Variants in PLPP4 observed in about 807,000 individuals in gnomAD.
The protein encoded by PLPP4 is phospholipid phosphatase 4.
In PLPP4, 20 loss-of-function variants were observed where a neutral mutation model predicts 32.2. The observed-to-expected ratio is 0.62, with a 90% CI of 0.44 to 0.90. The LOEUF (loss-of-function observed/expected upper bound fraction) is 0.90. PLPP4 is among the 40% of genes least tolerant of loss of function. The pLI, the probability that PLPP4 is intolerant of heterozygous loss-of-function variation, is 0.00. For missense variants in PLPP4, 257 were observed against 353.1 expected, an observed-to-expected ratio of 0.73 and a Z score of 2.18; for synonymous variants, 127 against 133.0, an observed-to-expected ratio of 0.95 and a Z score of 0.31.
chr10:120,503,754 C>T, intron 1 of PLPP4, 64 bp from the exon 2 acceptor site: 1 of 1,590,634 alleles, frequency 6.3e-7, no homozygotes, highest in South Asian at 1.1e-5. Flanking sequence ...AGGGGGGCCT[C>T]CTTGGGAACT....
At chr10:120,584,584 A>G (rs550176557) in intron 6 of PLPP4, among the ~76,000 whole-genome samples, 5 of 152,238 alleles carry the variant, frequency 3.3e-5, no homozygotes, top group Middle Eastern at 3.2e-3. Context: ...CTTCTAGTTG[A>G]TTTGGGGCAA....
chr10:120,578,295 G>A (rs186911253), intron 6 of PLPP4, among the ~76,000 whole-genome samples: 148 of 152,340 alleles, frequency 9.7e-4, no homozygotes, highest in Non-Finnish European at 1.7e-3. Flanking sequence ...TGCAGTGTAG[G>A]TGGATGTTTC....
chr10:120,557,625 A>G (rs2134002468), intron 5 of PLPP4, among the ~76,000 whole-genome samples: 1 of 152,232 alleles, frequency 6.6e-6, no homozygotes, highest in East Asian at 1.9e-4. Flanking sequence ...AAGCCTCCCT[A>G]ATTATAATAG....
rs989992126 is a variant in PLPP4 at position 120,517,369 on chromosome 10, G to A, written c.257-1464G>A. Among the ~76,000 whole-genome samples, 8 of 152,254 alleles carry A rather than the reference G, an allele frequency of 5.3e-5. No individual in the cohort carries two copies. The South Asian group carries it at 1.0e-3, about 20-fold the overall frequency. On this transcript the variant is annotated intron_variant, in intron 3 of 6. Transcript: ENST00000398250. Reference sequence around the variant, plus strand: ...AAGATATCCCAGAGAATTTGCTCTCGCCTTTTGGAGACAGGCCTCTCCACA... The same window carrying A: ...AAGATATCCCAGAGAATTTGCTCTCACCTTTTGGAGACAGGCCTCTCCACA...
At chr10:120,463,259 C>A (rs569689010) in intron 1 of PLPP4, among the ~76,000 whole-genome samples, 3 of 152,116 alleles carry the variant, frequency 2.0e-5, no homozygotes, top group Non-Finnish European at 4.4e-5. Context: ...ATCTCCTGAC[C>A]TCGTGATCTG....
chr10:120,487,454 T>C (rs2244544), intron 1 of PLPP4, among the ~76,000 whole-genome samples: 92,715 of 152,108 alleles, frequency 0.61, 28,769 homozygotes, highest in African/African-American at 0.73. Context: ...CATGTTGATG[T>C]CACTTACAAA....
chr10:120,528,906 T>G (rs1846560273), intron 5 of PLPP4, among the ~76,000 whole-genome samples: 1 of 152,156 alleles, frequency 6.6e-6, no homozygotes, highest in Non-Finnish European at 1.5e-5. Context: ...GTTTATGTCT[T>G]AAAAATATAA....
At position 120,591,661 on chromosome 10, in the gene PLPP4, T is replaced by C. The variant is rs1849997579; in HGVS notation, c.*2159T>C. On this transcript the variant is annotated 3_prime_UTR_variant, in exon 7 of 7. Coordinates refer to ENST00000398250, the MANE Select transcript of PLPP4 (RefSeq NM_001030059.3). The stretch of plus-strand genomic sequence containing the variant: ...TGATGTGGCCCACATTCTTATTTGA[T>C]TCTAGTTTTATCTGAGCAAGAGGAA... Among the ~76,000 whole-genome samples the C allele has an allele frequency of 6.6e-6, 1 of 151,832 alleles. No homozygotes were observed. Among genetic ancestry groups the C allele is most frequent in the Admixed American group, 6.6e-5 (1 of 15,242 alleles).
chr10:120,527,183 G>T (rs1352335147), intron 5 of PLPP4, among the ~76,000 whole-genome samples: 1 of 152,112 alleles, frequency 6.6e-6, no homozygotes, highest in Non-Finnish European at 1.5e-5. Context: ...ATTTATTTTA[G>T]GGAATTGGTT....
At chr10:120,523,959 C>G (rs1846281255) in intron 5 of PLPP4, among the ~76,000 whole-genome samples, 3 of 152,200 alleles carry the variant, frequency 2.0e-5, no homozygotes, top group African/African-American at 7.2e-5. Flanking sequence ...GCGCACCCTC[C>G]CCTCCAACCA....
At chr10:120,580,410 T>A (rs1849438769) in intron 6 of PLPP4, among the ~76,000 whole-genome samples, 1 of 152,100 alleles carries the variant, frequency 6.6e-6, no homozygotes, top group South Asian at 2.1e-4. Flanking sequence ...GGAAATTAGA[T>A]GATAATGAAG....
chr10:120,564,922 G>A (rs906224761), intron 5 of PLPP4, among the ~76,000 whole-genome samples: 10 of 151,484 alleles, frequency 6.6e-5, no homozygotes, highest in Admixed American at 2.6e-4. Flanking sequence ...AGCCTTATTC[G>A]TATATTCTTT....
At chr10:120,538,601 A>G (rs537080169) in intron 5 of PLPP4, among the ~76,000 whole-genome samples, 1 of 152,276 alleles carries the variant, frequency 6.6e-6, no homozygotes. Context: ...GAGAAAACCC[A>G]GGCCCTTTCA....
intron 6 of PLPP4, among the ~76,000 whole-genome samples, chr10:120,588,290 C>T (rs1589944086): frequency 6.6e-6 from 1 of 152,204 alleles, no homozygotes. Flanking sequence ...TGAGAACTAC[C>T]TGAATGTTCT....
chr10:120,515,924 A>T (rs1845917912), intron 3 of PLPP4, among the ~76,000 whole-genome samples: 1 of 152,194 alleles, frequency 6.6e-6, no homozygotes, highest in African/African-American at 2.4e-5. Context: ...CTGCTGTCAC[A>T]GCAGTAAGTA....
At chr10:120,554,730 C>T (rs1296166479) in intron 5 of PLPP4, among the ~76,000 whole-genome samples, 7 of 152,054 alleles carry the variant, frequency 4.6e-5, no homozygotes, top group African/African-American at 1.7e-4. Context: ...GCATGTCTTA[C>T]GTGGCTGGAG....
chr10:120,509,372 G>A (rs79554620), intron 2 of PLPP4, among the ~76,000 whole-genome samples: 1 of 152,108 alleles, frequency 6.6e-6, no homozygotes, highest in Non-Finnish European at 1.5e-5. Flanking sequence ...AGTCCATTCC[G>A]CACATTTTTT....
At position 120,551,283 on chromosome 10, in the gene PLPP4, G is replaced by A. The variant is rs78917097; in HGVS notation, c.446-23848G>A. Among the ~76,000 whole-genome samples, 1,488 of 152,296 alleles carry A rather than the reference G, an allele frequency of 9.8e-3. 21 individuals carry two copies. The highest frequency in any genetic ancestry group is 0.05 in the South Asian group (241 of 4,826). On this transcript the variant is annotated intron_variant, in intron 5 of 6. Coordinates refer to ENST00000398250, the MANE Select transcript of PLPP4 (RefSeq NM_001030059.3). Reference sequence around the variant, plus strand: ...GTAATTCTCAAATGTTGCTGGTGATGTATAAATTGTTACTGCCACTTTGTG... The same window carrying A: ...GTAATTCTCAAATGTTGCTGGTGATATATAAATTGTTACTGCCACTTTGTG...
At chr10:120,459,007 G>A (rs747838127) in intron 1 of PLPP4, among the ~76,000 whole-genome samples, 1 of 152,086 alleles carries the variant, frequency 6.6e-6, no homozygotes, top group Non-Finnish European at 1.5e-5. Flanking sequence ...GATAAAAAAG[G>A]GTCCAACAAT....
Sources: allele counts gnomAD v4.1 joint callset (sites outside exome capture counted in the v4.1 genomes callset), GRCh38; gene constraint gnomAD v4.1.1; transcripts MANE v1.5; gene names NCBI Gene and HGNC (gene_info 2026-07-23, HGNC 2026-07-21).